PROM1: variants seen among roughly 807,000 people sequenced by gnomAD.
PROM1 encodes prominin 1.
In PROM1, 105 loss-of-function variants were observed where a neutral mutation model predicts 116.9. That is an observed-to-expected ratio of 0.90 (90% CI 0.77 to 1.06). The LOEUF is 1.06. Ranked by LOEUF, PROM1 falls within the 50% of genes least tolerant of loss-of-function variation. The pLI, the probability that PROM1 is intolerant of heterozygous loss-of-function variation, is 0.00. For missense variants in PROM1, 1,122 were observed against 1,045.2 expected (o/e 1.07, Z -1.01); for synonymous variants, 393 against 387.0 (o/e 1.02, Z -0.18).
At chr4:15,971,108 A>G in intron 26 of PROM1, 26 bp from the exon 27 acceptor site, 2 of 1,546,114 alleles carry the variant, frequency 1.3e-6, no homozygotes, top group Non-Finnish European at 8.7e-7. Flanking sequence ...ATAAAGAAAT[A>G]TAATACCCCC....
chr4:16,002,647 G>C (rs774921993), intron 13 of PROM1, among the ~76,000 whole-genome samples: 1 of 151,698 alleles, frequency 6.6e-6, no homozygotes, highest in African/African-American at 2.4e-5. Flanking sequence ...AGGCTTCTGA[G>C]TCTGGGAGAG....
At chr4:16,022,116 A>G (rs1198304899) in intron 8 of PROM1, among the ~76,000 whole-genome samples, 9 of 137,838 alleles carry the variant, frequency 6.5e-5, no homozygotes, top group African/African-American at 2.4e-4. Context: ...GGAGGGAAGG[A>G]GGGAAGAAGG....
Position 15,986,046 on chromosome 4 carries a change from C to T in PROM1, c.2131-9G>A. The T allele has an allele frequency of 6.5e-7, 1 of 1,539,194 alleles. No homozygotes were observed. The highest frequency in any genetic ancestry group is 1.2e-5 in the South Asian group (1 of 84,334). On this transcript the variant is annotated splice_polypyrimidine_tract_variant and intron_variant, in intron 20 of 27. Transcript: ENST00000447510. Reference sequence around the variant, plus strand: ...ATCCTAGTTACTCTCTCCTGAAAGACACAGCCACAGTTATCAGGGTATCAA... The same window carrying T: ...ATCCTAGTTACTCTCTCCTGAAAGATACAGCCACAGTTATCAGGGTATCAA...
intron 2 of PROM1, among the ~76,000 whole-genome samples, chr4:16,049,724 T>C (rs7659907): frequency 0.025 from 3,730 of 151,260 alleles, 152 homozygotes; most frequent in African/African-American, 0.086. Flanking sequence ...AATTTATATA[T>C]ATATATAAGA....
intron 5 of PROM1, among the ~76,000 whole-genome samples, chr4:16,031,687 A>G (rs1732729870): frequency 6.6e-6 from 1 of 152,174 alleles, no homozygotes; most frequent in Non-Finnish European, 1.5e-5. Flanking sequence ...AGAGAGATTG[A>G]CAGGCAGAGA....
rs1249881904 is a variant in PROM1 at position 15,985,969 on chromosome 4, AGAG to A, written c.2196_2198del (p.Ser733del). The A allele has an allele frequency of 8.7e-7, 1 of 1,148,070 alleles. No individual in the cohort carries two copies. Among genetic ancestry groups the A allele is most frequent in the African/African-American group, 2.1e-5 (1 of 47,358 alleles). The allele number at this position is 1,148,070 out of a possible 1,614,324, so 71.1% of individuals were successfully genotyped here. Reference sequence around the variant, plus strand: ...AAAGAAGGCTCACCTCAATAATAACAGAGGAAGTATTGTTTGTGATGAAGTTCT... The same window carrying A: ...AAAGAAGGCTCACCTCAATAATAACAGAAGTATTGTTTGTGATGAAGTTCT... On this transcript the variant is annotated inframe_deletion, in exon 21 of 28. Coordinates refer to ENST00000447510, the MANE Select transcript of PROM1 (RefSeq NM_006017.3).
chr4:15,984,439 G>T, intron 22 of PROM1, 84 bp from the exon 23 acceptor site: 1 of 1,024,518 alleles, frequency 9.8e-7, no homozygotes, highest in Non-Finnish European at 1.4e-6. Context: ...CTTTTGACTT[G>T]GTGTCACAAA....
At position 15,968,577 on chromosome 4, in the gene PROM1, C is replaced by A. The variant is rs549332062; in HGVS notation, c.*816G>T. The A allele has an allele frequency of 1.3e-5, 2 of 152,320 alleles. No individual in the cohort carries two copies. Among genetic ancestry groups the A allele is most frequent in the South Asian group, 4.1e-4 (2 of 4,834 alleles). The allele number at this position is 152,320 out of a possible 1,614,324, so 9.4% of individuals were successfully genotyped here. A position where few individuals can be genotyped will look rare whatever the true frequency, so the allele number is the denominator to read the frequency against. ...TAGCTGCACTCCAATTAATGTTTAT[C>A]GTAATGCAACAGAAAACTCTGTTAA... On this transcript the variant is annotated 3_prime_UTR_variant, in exon 28 of 28. Transcript: ENST00000447510.
chr4:16,039,653 A>G (rs1005504868), intron 2 of PROM1, among the ~76,000 whole-genome samples: 7 of 151,164 alleles, frequency 4.6e-5, no homozygotes, highest in Non-Finnish European at 8.8e-5. Context: ...TGGGAGGATC[A>G]CTTGAACCCG....
intron 13 of PROM1, among the ~76,000 whole-genome samples, chr4:16,002,709 G>A (rs762167517): frequency 6.6e-6 from 1 of 152,184 alleles, no homozygotes; most frequent in East Asian, 1.9e-4. Flanking sequence ...CTGAGCATGT[G>A]TGTCTGTGTG....
Position 16,059,093 on chromosome 4 carries a change from C to CA in PROM1, c.220+16593dup, listed in dbSNP as rs559002428. ...GACATCTAGGAAGTACTGGAACTTACAAAGCATTTTCATGGAATGCATTGT... is the reference window on the plus strand; with the variant it reads ...GACATCTAGGAAGTACTGGAACTTACAAAAGCATTTTCATGGAATGCATTGT... On this transcript the variant is annotated intron_variant, in intron 2 of 27. Transcript: ENST00000447510. Among the ~76,000 whole-genome samples, 5 of 152,230 alleles carry CA rather than the reference C, an allele frequency of 3.3e-5. No individual in the cohort carries two copies. In the East Asian group the frequency reaches 9.7e-4, roughly 29 times the overall value.
At chr4:16,006,437 A>G (rs535104320) in intron 13 of PROM1, 101 bp downstream of exon 13, 295 of 1,354,892 alleles carry the variant, frequency 2.2e-4, no homozygotes, top group Middle Eastern at 1.9e-3. Flanking sequence ...AACCCCGCGT[A>G]CGTGGCCCAG....
At chr4:15,980,899 G>C (rs1438411632) in intron 23 of PROM1, among the ~76,000 whole-genome samples, 2 of 152,028 alleles carry the variant, frequency 1.3e-5, no homozygotes, top group African/African-American at 2.4e-5. Context: ...CCAGTAATCA[G>C]AGCATGGATG....
intron 12 of PROM1, among the ~76,000 whole-genome samples, chr4:16,007,186 A>C (rs1351484512): frequency 6.6e-6 from 1 of 152,234 alleles, no homozygotes; most frequent in East Asian, 1.9e-4. Context: ...TGGTTGCAGA[A>C]ATATTTGGGG....
intron 2 of PROM1, among the ~76,000 whole-genome samples, chr4:16,069,235 G>GA (rs1202935402): frequency 1.3e-5 from 2 of 151,788 alleles, no homozygotes; most frequent in African/African-American, 4.8e-5. Context: ...ACTCTGCCTC[G>GA]AAAAAAACAA....
chr4:15,979,921 A>G lies in PROM1; in HGVS notation c.2490-17T>C, dbSNP rs761806005. ...GTTTCAACACTATAAAATACAAAAAAGGGAGATAAAATTAATTTTTTTAAT... is the reference window on the plus strand; with the variant it reads ...GTTTCAACACTATAAAATACAAAAAGGGGAGATAAAATTAATTTTTTTAAT... On this transcript the variant is annotated splice_polypyrimidine_tract_variant and intron_variant, in intron 24 of 27. Coordinates refer to ENST00000447510, the MANE Select transcript of PROM1 (RefSeq NM_006017.3). The G allele has an allele frequency of 2.6e-5, 35 of 1,347,010 alleles. 1 individual carries two copies. The highest frequency in any genetic ancestry group is 3.4e-5 in the Non-Finnish European group (34 of 990,352). 83.4% of individuals were successfully genotyped at this position (1,347,010 alleles called of 1,614,324 possible). A position where few individuals can be genotyped will look rare whatever the true frequency, so the allele number is the denominator to read the frequency against.
At chr4:16,017,000 C>G (rs2677787) in intron 9 of PROM1, among the ~76,000 whole-genome samples, 134,966 of 152,168 alleles carry the variant, frequency 0.89, 60,213 homozygotes, top group Middle Eastern at 0.94. Flanking sequence ...CATTTGAATG[C>G]ACACTGTGGA....
At chr4:16,000,081 T>A (rs1022489943) in intron 14 of PROM1, among the ~76,000 whole-genome samples, 2 of 152,216 alleles carry the variant, frequency 1.3e-5, no homozygotes, top group African/African-American at 4.8e-5. Flanking sequence ...AATATAGGGC[T>A]CATCTGTGTG....
At chr4:16,044,495 A>G (rs999341423) in intron 2 of PROM1, among the ~76,000 whole-genome samples, 1 of 152,206 alleles carries the variant, frequency 6.6e-6, no homozygotes, top group African/African-American at 2.4e-5. Flanking sequence ...GAGAGACCAC[A>G]GGGTCCCTCT....
Sources: allele counts gnomAD v4.1 joint callset (sites outside exome capture counted in the v4.1 genomes callset), GRCh38; gene constraint gnomAD v4.1.1; transcripts MANE v1.5; gene names NCBI Gene and HGNC (gene_info 2026-07-23, HGNC 2026-07-21).